The following HYDIN variants were observed in gnomAD, a reference collection of about 807,000 sequenced individuals.
HYDIN encodes the protein HYDIN axonemal central pair apparatus protein, also known as axonemal central pair apparatus protein HYDIN.
Under a neutral mutation model 403.9 loss-of-function variants are expected in HYDIN, and 132 were observed. The observed-to-expected ratio is 0.33, with a 90% CI of 0.28 to 0.38. The LOEUF (loss-of-function observed/expected upper bound fraction) is 0.38. HYDIN is among the 10% of genes least tolerant of loss of function. HYDIN has a pLI of 1.00. For synonymous variants in HYDIN, 1,202 were observed against 1,891.7 expected (o/e 0.64, Z 9.46); for missense variants, 2,827 against 5,009.5 (o/e 0.56, Z 13.15).
At chr16:71,220,158 C>A (rs933968011) in intron 1 of HYDIN, among the ~76,000 whole-genome samples, 3 of 152,136 alleles carry the variant, frequency 2.0e-5, no homozygotes, top group Admixed American at 6.5e-5. Context: ...GAATGTGTAC[C>A]AATTAAAACA....
intron 5 of HYDIN, among the ~76,000 whole-genome samples, chr16:71,171,401 A>ATTTG (rs779056784): frequency 6.6e-6 from 1 of 152,150 alleles, no homozygotes; most frequent in Non-Finnish European, 1.5e-5. Flanking sequence ...AATTGTATAT[A>ATTTG]TTTGTTTGTT....
intron 84 of HYDIN, among the ~76,000 whole-genome samples, chr16:70,810,848 G>A (rs569647356): frequency 6.6e-6 from 1 of 152,182 alleles, no homozygotes; most frequent in East Asian, 1.9e-4. Flanking sequence ...AAAACCAGAG[G>A]TGTAGAGCAA....
At chr16:71,202,363 A>AGGTAT (rs2144709279) in intron 1 of HYDIN, among the ~76,000 whole-genome samples, 1 of 152,358 alleles carries the variant, frequency 6.6e-6, no homozygotes, top group Non-Finnish European at 1.5e-5. Flanking sequence ...AATGAAGAAC[A>AGGTAT]GGTATTGAAA....
At chr16:70,942,478 CA>C (rs1405502849) in intron 42 of HYDIN, among the ~76,000 whole-genome samples, 1 of 152,140 alleles carries the variant, frequency 6.6e-6, no homozygotes, top group Non-Finnish European at 1.5e-5. Context: ...TCACAGGCAG[CA>C]GGGGGAGCAG....
intron 62 of HYDIN, among the ~76,000 whole-genome samples, chr16:70,877,960 C>T (rs2040548925): frequency 1.3e-5 from 2 of 151,860 alleles, no homozygotes; most frequent in Admixed American, 6.6e-5. Context: ...CAGCAGACCC[C>T]CATTAAGGAA....
chr16:71,130,642 C>G (rs995752339), intron 8 of HYDIN, among the ~76,000 whole-genome samples: 7 of 151,334 alleles, frequency 4.6e-5, no homozygotes, highest in Admixed American at 2.6e-4. Context: ...CGCCCGCCAC[C>G]GCGCCCGGCT....
intron 78 of HYDIN, among the ~76,000 whole-genome samples, chr16:70,834,911 CAT>C (rs1386156889): frequency 6.3e-5 from 9 of 143,284 alleles, no homozygotes; most frequent in African/African-American, 8.0e-5. Flanking sequence ...TACACACACA[CAT>C]ATATACACAC....
At chr16:71,007,551 T>A (rs1029676678) in intron 23 of HYDIN, among the ~76,000 whole-genome samples, 1 of 151,362 alleles carries the variant, frequency 6.6e-6, no homozygotes, top group African/African-American at 2.4e-5. Context: ...CCAAGAAATA[T>A]GAAAAAACGT....
At chr16:71,098,537 T>A (rs935295419) in intron 10 of HYDIN, among the ~76,000 whole-genome samples, 4 of 151,506 alleles carry the variant, frequency 2.6e-5, no homozygotes, top group African/African-American at 9.7e-5. Flanking sequence ...TGCATTACCC[T>A]ACTCTATTAT....
At chr16:71,218,940 A>G (rs2089041123) in intron 1 of HYDIN, among the ~76,000 whole-genome samples, 1 of 152,246 alleles carries the variant, frequency 6.6e-6, no homozygotes, top group African/African-American at 2.4e-5. Context: ...TTTTGGCTTC[A>G]TAAACACAAA....
At chr16:71,170,785 C>CT (rs1451736622) in intron 5 of HYDIN, among the ~76,000 whole-genome samples, 8 of 152,002 alleles carry the variant, frequency 5.3e-5, no homozygotes, top group African/African-American at 1.7e-4. Context: ...AGGCCCTTAT[C>CT]TTTAAGAGAA....
At chr16:70,989,716 A>G (rs1468871294) in intron 25 of HYDIN, among the ~76,000 whole-genome samples, 1 of 152,190 alleles carries the variant, frequency 6.6e-6, no homozygotes, top group African/African-American at 2.4e-5. Context: ...ATAAAAAAAG[A>G]CTTCTATCCC....
intron 1 of HYDIN, among the ~76,000 whole-genome samples, chr16:71,189,766 C>CAA (rs35684537): frequency 0.031 from 3,502 of 111,766 alleles, 327 homozygotes; most frequent in Admixed American, 0.22. Flanking sequence ...GACTCTGCCT[C>CAA]AAAAAAAAAA....
At chr16:70,969,769 C>T (rs1321969387) in intron 36 of HYDIN, among the ~76,000 whole-genome samples, 10 of 151,314 alleles carry the variant, frequency 6.6e-5, no homozygotes, top group Non-Finnish European at 1.0e-4. Context: ...GTATGTTTGA[C>T]AGTTGAAACA....
At chr16:71,098,638 A>G (rs1353260599) in intron 10 of HYDIN, among the ~76,000 whole-genome samples, 6 of 151,980 alleles carry the variant, frequency 3.9e-5, no homozygotes, top group African/African-American at 1.4e-4. Flanking sequence ...ATGGCAAAGA[A>G]AGAGAATTGC....
At chr16:71,051,660 C>CAAAAA (rs1219589325) in intron 18 of HYDIN, among the ~76,000 whole-genome samples, 1 of 90,344 alleles carries the variant, frequency 1.1e-5, no homozygotes. Context: ...AAAAAAAAAA[C>CAAAAA]AAAAAAAACA....
chr16:71,021,220 C>CG (rs1555615416), intron 21 of HYDIN, among the ~76,000 whole-genome samples: 11 of 142,078 alleles, frequency 7.7e-5, no homozygotes, highest in Non-Finnish European at 1.4e-4. Flanking sequence ...TTTAATTTTT[C>CG]TTTTTTTTTT....
Position 70,975,242 on chromosome 16 carries a change from C to G in HYDIN, c.4666G>C (p.Glu1556Gln). The stretch of plus-strand genomic sequence containing the variant: ...ACATAGCTTTGGACTATAAGTCTTT[C>G]TACCTCCATCTGGAGATGAGCACTT... ...EVSAHLQMEV[E>Q]RLIVQSYVLE... Residue 1556 changes from glutamate (E) to glutamine (Q), a missense_variant, in exon 31 of 86, where the codon GAA becomes CAA. Coordinates refer to ENST00000393567, the MANE Select transcript of HYDIN (RefSeq NM_001270974.2). 2 of 472,072 alleles carry G rather than the reference C, an allele frequency of 4.2e-6. No individual in the cohort carries two copies. Among genetic ancestry groups the G allele is most frequent in the Non-Finnish European group, 7.3e-6 (2 of 275,436 alleles). 29.2% of individuals were successfully genotyped at this position (472,072 alleles called of 1,614,324 possible). A position where few individuals can be genotyped will look rare whatever the true frequency, so the allele number is the denominator to read the frequency against.
rs370571328 is a variant in HYDIN at position 71,163,656 on chromosome 16, T to C, written c.517-926A>G. 8.0e-3 allele frequency among the ~76,000 whole-genome samples: 1,223 copies of C among 152,152 alleles called. 17 individuals are homozygous for C. The highest frequency in any genetic ancestry group is 0.028 in the African/African-American group (1,164 of 41,440). ...GCCTGGTCCAGCCTACTGCAGGATG[T>C]GCACCTGGATGCTCCAACCAAGACC... On this transcript the variant is annotated intron_variant, in intron 5 of 85. Coordinates refer to ENST00000393567, the MANE Select transcript of HYDIN (RefSeq NM_001270974.2).
Sources: allele counts gnomAD v4.1 joint callset (sites outside exome capture counted in the v4.1 genomes callset), GRCh38; gene constraint gnomAD v4.1.1; transcripts MANE v1.5; gene names NCBI Gene and HGNC (gene_info 2026-07-23, HGNC 2026-07-21).